DLGAP2: variants seen among roughly 807,000 people sequenced by gnomAD.
The protein encoded by DLGAP2 is disks large-associated protein 2.
Under a neutral mutation model 100.3 loss-of-function variants are expected in DLGAP2, and 26 were observed. The ratio of observed to expected loss-of-function variants is 0.26; its 90% CI spans 0.19 to 0.36. The LOEUF is 0.36. Ranked by LOEUF, DLGAP2 falls within the 10% of genes least tolerant of loss-of-function variation. The pLI, the probability that DLGAP2 is intolerant of heterozygous loss-of-function variation, is 1.00. For synonymous variants in DLGAP2, 886 were observed against 630.1 expected (o/e 1.41, Z -6.08); for missense variants, 1,858 against 1,453.2 (o/e 1.28, Z -4.53).
chr8:1,031,068 G>GA (rs1801957953), intron 2 of DLGAP2, among the ~76,000 whole-genome samples: 1 of 152,202 alleles, frequency 6.6e-6, no homozygotes, highest in Non-Finnish European at 1.5e-5. Flanking sequence ...TCTGTTCCCA[G>GA]AGCCTGCCTG....
At chr8:872,402 C>T (rs1192301017) in intron 1 of DLGAP2, among the ~76,000 whole-genome samples, 1 of 147,770 alleles carries the variant, frequency 6.8e-6, no homozygotes, top group Non-Finnish European at 1.5e-5. Flanking sequence ...GGCGCGATCT[C>T]GGCTCACAGC....
chr8:1,591,905 C>T (rs1364509785), intron 6 of DLGAP2, among the ~76,000 whole-genome samples: 2 of 152,196 alleles, frequency 1.3e-5, no homozygotes, highest in African/African-American at 2.4e-5. Flanking sequence ...CAGGGAGGTT[C>T]CTCCCACCCG....
At position 1,631,409 on chromosome 8, in the gene DLGAP2, T is replaced by C. The variant is rs74947376; in HGVS notation, c.1591-1418T>C. ...CATCTTTGACAGGAATGACACAATCTAAGACTTTTCCATAAAATTCTACAT... is the reference window on the plus strand; with the variant it reads ...CATCTTTGACAGGAATGACACAATCCAAGACTTTTCCATAAAATTCTACAT... On this transcript the variant is annotated intron_variant, in intron 7 of 14. Transcript: ENST00000637795. Among the ~76,000 whole-genome samples, 1,386 of 152,226 alleles carry C rather than the reference T, an allele frequency of 9.1e-3. 21 individuals carry two copies. The highest frequency in any genetic ancestry group is 0.032 in the African/African-American group (1,318 of 41,528).
chr8:1,512,362 G>A (rs768748781), intron 4 of DLGAP2, among the ~76,000 whole-genome samples: 3 of 152,086 alleles, frequency 2.0e-5, no homozygotes, highest in African/African-American at 4.8e-5. Flanking sequence ...AGCAGAAATC[G>A]CCAGCTAGTG....
chr8:1,440,333 A>G (rs1254526613), intron 3 of DLGAP2, among the ~76,000 whole-genome samples: 1 of 152,210 alleles, frequency 6.6e-6, no homozygotes, highest in Non-Finnish European at 1.5e-5. Flanking sequence ...TCACGTGGGA[A>G]ATGGAGTCAA....
At chr8:1,309,224 G>T (rs1034014580) in intron 3 of DLGAP2, among the ~76,000 whole-genome samples, 1 of 152,150 alleles carries the variant, frequency 6.6e-6, no homozygotes, top group East Asian at 1.9e-4. Flanking sequence ...AAAATTTGAG[G>T]AAAGATGTGA....
chr8:838,703 A>C (rs1796928135), intron 1 of DLGAP2, among the ~76,000 whole-genome samples: 1 of 152,174 alleles, frequency 6.6e-6, no homozygotes, highest in African/African-American at 2.4e-5. Flanking sequence ...CTTTTACTGC[A>C]AACAGGGATC....
chr8:1,348,182 G>C (rs1467505978), intron 3 of DLGAP2, among the ~76,000 whole-genome samples: 2 of 152,194 alleles, frequency 1.3e-5, no homozygotes, highest in Non-Finnish European at 2.9e-5. Flanking sequence ...GCTGTGTAGA[G>C]GTTGAGTTTC....
chr8:1,447,871 C>T (rs1016925488), intron 3 of DLGAP2, among the ~76,000 whole-genome samples: 9 of 152,178 alleles, frequency 5.9e-5, no homozygotes, highest in Non-Finnish European at 1.0e-4. Context: ...AGTTTATATA[C>T]GTAGAGGTGT....
intron 2 of DLGAP2, among the ~76,000 whole-genome samples, chr8:1,009,349 G>A (rs547496795): frequency 6.6e-6 from 1 of 152,248 alleles, no homozygotes; most frequent in East Asian, 1.9e-4. Context: ...TCGGATAACG[G>A]GCTTTTTCTA....
chr8:1,260,670 C>G (rs750782720), intron 3 of DLGAP2, among the ~76,000 whole-genome samples: 2 of 151,664 alleles, frequency 1.3e-5, no homozygotes, highest in Non-Finnish European at 2.9e-5. Context: ...TGTTTGGAGG[C>G]GAGGGTTTGG....
At chr8:1,194,336 C>A (rs1797704721) in intron 2 of DLGAP2, among the ~76,000 whole-genome samples, 1 of 152,050 alleles carries the variant, frequency 6.6e-6, no homozygotes, top group Non-Finnish European at 1.5e-5. Flanking sequence ...GTGGAGGGAG[C>A]CCGGATGCCT....
chr8:1,059,565 C>T, intron 2 of DLGAP2, among the ~76,000 whole-genome samples: 1 of 152,188 alleles, frequency 6.6e-6, no homozygotes, highest in Non-Finnish European at 1.5e-5. Context: ...CTCCATTAGG[C>T]TGTGAGCTTC....
intron 2 of DLGAP2, among the ~76,000 whole-genome samples, chr8:947,593 C>G (rs1395070582): frequency 6.6e-6 from 1 of 152,176 alleles, no homozygotes; most frequent in Non-Finnish European, 1.5e-5. Context: ...AGTCTCACAC[C>G]AACCGGCCCA....
At chr8:1,455,503 C>A (rs557682816) in intron 3 of DLGAP2, among the ~76,000 whole-genome samples, 1 of 152,214 alleles carries the variant, frequency 6.6e-6, no homozygotes, top group Non-Finnish European at 1.5e-5. Flanking sequence ...GTGTCCTTCA[C>A]GCCTGAGCAG....
chr8:892,673 G>T (rs1033675243), intron 1 of DLGAP2, among the ~76,000 whole-genome samples: 5 of 152,208 alleles, frequency 3.3e-5, no homozygotes, highest in African/African-American at 1.2e-4. Context: ...TGGAAGCACA[G>T]TTCCGTTTCT....
rs1022122380 is a variant in DLGAP2 at position 1,447,790 on chromosome 8, C to T, written c.107-53576C>T. On this transcript the variant is annotated intron_variant, in intron 3 of 14. Transcript: ENST00000637795. ...CCTGTTACTGGTCTATTCAGAGAGT[C>T]AACTTCTTCCTGGTTTAGTCTTGGG... Among the ~76,000 whole-genome samples the T allele has an allele frequency of 3.3e-5, 5 of 152,288 alleles. No individual in the cohort carries two copies. In the East Asian group the frequency reaches 9.6e-4, roughly 29 times the overall value.
chr8:950,777 G>A (rs1354904175), intron 2 of DLGAP2, among the ~76,000 whole-genome samples: 2 of 151,296 alleles, frequency 1.3e-5, no homozygotes, highest in African/African-American at 2.4e-5. Context: ...ATGTGCCACC[G>A]TGCCCGGCTA....
chr8:1,421,223 T>C (rs1563136603), intron 3 of DLGAP2, among the ~76,000 whole-genome samples: 1 of 152,228 alleles, frequency 6.6e-6, no homozygotes, highest in Admixed American at 6.5e-5. Flanking sequence ...TTTCATGTTG[T>C]GTGTGTGAGA....
Sources: gnomAD v4.1 joint callset for allele counts (sites outside exome capture counted in the v4.1 genomes callset) on GRCh38, gnomAD v4.1.1 for gene constraint, MANE v1.5 for transcripts, NCBI Gene and HGNC (gene_info 2026-07-23, HGNC 2026-07-21) for gene names.